The following SOS1 variants were observed in gnomAD, a reference collection of about 807,000 sequenced individuals.
SOS1 encodes SOS Ras/Rac guanine nucleotide exchange factor 1.
Under a neutral mutation model 157.6 loss-of-function variants are expected in SOS1, and 25 were observed. The ratio of observed to expected loss-of-function variants is 0.16; its 90% confidence interval spans 0.12 to 0.22. The LOEUF is 0.22. Ranked by LOEUF, SOS1 falls within the 10% of genes least tolerant of loss-of-function variation. The probability of loss-of-function intolerance (pLI) is 1.00; values close to 1 mark genes in which losing one functional copy is unlikely to be tolerated. For synonymous variants in SOS1, 528 were observed against 534.0 expected (o/e 0.99, Z 0.16); for missense variants, 1,237 against 1,599.1 (o/e 0.77, Z 3.86).
At chr2:39,008,590 A>T (rs114469269) in intron 15 of SOS1, among the ~76,000 whole-genome samples, 2 of 152,224 alleles carry the variant, frequency 1.3e-5, no homozygotes, top group Non-Finnish European at 2.9e-5. Flanking sequence ...AGGAAATAAG[A>T]CGGCTGAGAG....
chr2:39,019,575 C>T (rs1475488357), intron 10 of SOS1, among the ~76,000 whole-genome samples: 1 of 151,652 alleles, frequency 6.6e-6, no homozygotes. Flanking sequence ...AACACCGAAT[C>T]TGAGAGACAA....
chr2:39,079,710 G>T (rs1305951955), intron 1 of SOS1, among the ~76,000 whole-genome samples: 2 of 151,986 alleles, frequency 1.3e-5, no homozygotes, highest in African/African-American at 4.8e-5. Flanking sequence ...GGTCAGGCTG[G>T]TCTCAAACTC....
chr2:39,042,760 T>G (rs1301505955), intron 6 of SOS1, among the ~76,000 whole-genome samples: 4 of 151,256 alleles, frequency 2.6e-5, no homozygotes, highest in Non-Finnish European at 5.9e-5. Flanking sequence ...GTATCTTTAG[T>G]CAGGTTTATT....
intron 1 of SOS1, among the ~76,000 whole-genome samples, chr2:39,105,374 C>A (rs1054657951): frequency 1.1e-4 from 16 of 151,564 alleles, no homozygotes; most frequent in African/African-American, 3.9e-4. Context: ...GGTACAGCAT[C>A]CTAAAGTGCT....
intron 2 of SOS1, among the ~76,000 whole-genome samples, chr2:39,064,159 G>C (rs1344389590): frequency 6.6e-6 from 1 of 152,106 alleles, no homozygotes; most frequent in East Asian, 1.9e-4. Flanking sequence ...TCCTTAAATT[G>C]ATGTATAAAA....
Position 39,120,526 on chromosome 2 carries a change from C to A in SOS1, c.-104G>T. ...GCGCGGAACAGGGCCGCGGCCCCAC[C>A]GGACGGCCCGGCCCCCTCCGGGCGC... On this transcript the variant is annotated 5_prime_UTR_variant, in exon 1 of 23. Transcript: ENST00000402219. The A allele has an allele frequency of 8.8e-7, 1 of 1,131,804 alleles. No homozygotes were observed. The highest frequency in any genetic ancestry group is 4.1e-5 in the South Asian group (1 of 24,642). The allele number at this position is 1,131,804 out of a possible 1,614,324, so 70.1% of individuals were successfully genotyped here. A position where few individuals can be genotyped will look rare whatever the true frequency, so the allele number is the denominator to read the frequency against.
Position 39,054,768 on chromosome 2 carries a change from G to C in SOS1, c.566C>G (p.Thr189Ser). The C allele has an allele frequency of 6.3e-7, 1 of 1,583,386 alleles. No homozygotes were observed. Among genetic ancestry groups the C allele is most frequent in the Non-Finnish European group, 8.7e-7 (1 of 1,152,280 alleles). The change falls in exon 5 of 23, where the codon ACT becomes AGT. Residue 189 changes from threonine (T) to serine (S), a missense_variant. Physicochemically the swap from Thr to Ser is moderately conservative, Grantham distance 58 (BLOSUM62 1). This residue lies in a region of SOS1 where 108 missense variants were observed against 115.3 expected (regional missense o/e 0.94). Coordinates refer to ENST00000402219, the MANE Select transcript of SOS1 (RefSeq NM_005633.4). ...TCCTGAGGTGGAAGGCTCTTCGTCA[G>C]TTAAAGATAATATATTAATATCTTC... ...DVEDINILSLTDEEPSTSGEQ... is the reference protein window; with the variant it reads ...DVEDINILSLSDEEPSTSGEQ...
intron 6 of SOS1, among the ~76,000 whole-genome samples, chr2:39,047,515 C>G (rs193005075): frequency 6.6e-6 from 1 of 152,116 alleles, no homozygotes; most frequent in African/African-American, 2.4e-5. Context: ...TCCATGGTTT[C>G]AAAATACATT....
chr2:38,999,347 G>A (rs184968618), intron 17 of SOS1, among the ~76,000 whole-genome samples: 5 of 152,244 alleles, frequency 3.3e-5, no homozygotes, highest in African/African-American at 1.2e-4. Flanking sequence ...GGCTGGGTTT[G>A]TACTTCTAAA....
intron 1 of SOS1, among the ~76,000 whole-genome samples, chr2:39,105,521 A>G (rs1292326531): frequency 1.3e-5 from 2 of 152,190 alleles, no homozygotes; most frequent in Non-Finnish European, 2.9e-5. Context: ...TATAAGTTTC[A>G]TAAAAGCAAC....
At chr2:39,080,232 A>G (rs1189481170) in intron 1 of SOS1, among the ~76,000 whole-genome samples, 2 of 151,956 alleles carry the variant, frequency 1.3e-5, no homozygotes, top group Non-Finnish European at 2.9e-5. Context: ...AGATTCTCAT[A>G]AGGAGTACGC....
intron 20 of SOS1, among the ~76,000 whole-genome samples, chr2:38,994,404 A>G (rs1161610125): frequency 6.6e-6 from 1 of 152,192 alleles, no homozygotes. Flanking sequence ...ATAGTGTATT[A>G]GCAGCCATTA....
chr2:38,999,504 G>C (rs1448418383), intron 17 of SOS1, among the ~76,000 whole-genome samples: 3 of 152,222 alleles, frequency 2.0e-5, no homozygotes, highest in African/African-American at 7.2e-5. Context: ...CAGTTATTAA[G>C]TGCATTAGTT....
chr2:39,002,632 G>C (rs1455719323), intron 17 of SOS1, among the ~76,000 whole-genome samples: 2 of 152,182 alleles, frequency 1.3e-5, no homozygotes, highest in Admixed American at 6.5e-5. Context: ...TTGACAGATT[G>C]AATGACATAC....
At chr2:39,037,933 C>A (rs1478827438) in intron 6 of SOS1, among the ~76,000 whole-genome samples, 3 of 152,066 alleles carry the variant, frequency 2.0e-5, no homozygotes, top group Admixed American at 2.0e-4. Context: ...AAAAAAATTT[C>A]TTTCAAAATA....
At position 38,995,275 on chromosome 2, in the gene SOS1, T is replaced by C; in HGVS notation, c.3194A>G (p.Tyr1065Cys). 3 of 1,614,070 alleles carry C rather than the reference T, an allele frequency of 1.9e-6. No homozygotes were observed. The highest frequency in any genetic ancestry group is 2.5e-6 in the Non-Finnish European group (3 of 1,179,956). ...TGTTTCACTTTCAGGGATCCTACTA[T>C]AACTAATTTTCCTTGGCTCCTGCTG... is the stretch of plus-strand genomic sequence containing the variant. ...PLQQEPRKIS[Y>C]SRIPESETES... Residue 1065 changes from tyrosine to cysteine, a missense_variant, in exon 20 of 23, where the codon TAT (tyrosine) becomes TGT (cysteine). By Grantham distance (194) the Tyr-to-Cys change is radical. Coordinates refer to ENST00000402219, the MANE Select transcript of SOS1 (RefSeq NM_005633.4).
intron 21 of SOS1, among the ~76,000 whole-genome samples, chr2:38,988,533 T>G (rs976242862): frequency 1.4e-4 from 21 of 152,150 alleles, no homozygotes; most frequent in African/African-American, 5.1e-4. Context: ...TTTTGTCACA[T>G]GTTATAAAAT....
chr2:38,998,038 A>C (rs576712441), intron 17 of SOS1, among the ~76,000 whole-genome samples: 4 of 152,160 alleles, frequency 2.6e-5, no homozygotes, highest in Non-Finnish European at 5.9e-5. Context: ...CAAATGTGGG[A>C]CTGCATACGA....
chr2:38,985,913 G>C lies in SOS1; in HGVS notation c.3913C>G (p.Leu1305Val), dbSNP rs1347275717. The C allele has an allele frequency of 6.2e-7, 1 of 1,613,978 alleles. No homozygotes were observed. Among genetic ancestry groups the C allele is most frequent in the Non-Finnish European group, 8.5e-7 (1 of 1,179,898 alleles). Residue 1305 changes from leucine to valine, a missense_variant, in exon 23 of 23, where the codon CTC becomes GTC. Physicochemically the swap from Leu to Val is conservative, Grantham distance 32. This residue lies in a region of SOS1 where 306 missense variants were observed against 322.6 expected (regional missense o/e 0.95). Coordinates refer to ENST00000402219, the MANE Select transcript of SOS1 (RefSeq NM_005633.4). The stretch of plus-strand genomic sequence containing the variant: ...TCCCTTTTGTAAGTTTTTGGAGGGA[G>C]TTTAGGGATATGTTGAGAAGTGCTT... ...RQSTSQHIPK[L>V]PPKTYKREHT...
Sources: allele counts gnomAD v4.1 joint callset (sites outside exome capture counted in the v4.1 genomes callset), GRCh38; gene constraint gnomAD v4.1.1; regional missense constraint gnomAD v4.1.1; transcripts MANE v1.5; gene names NCBI Gene and HGNC (gene_info 2026-07-23, HGNC 2026-07-21).